BAIAP2L1: variants seen among roughly 807,000 people sequenced by gnomAD.
The protein encoded by BAIAP2L1 is BAR/IMD domain-containing adapter protein 2-like 1.
In BAIAP2L1, 35 loss-of-function variants were observed where a neutral mutation model predicts 66.3. That is an observed-to-expected ratio of 0.53 (90% CI 0.40 to 0.70). The LOEUF (loss-of-function observed/expected upper bound fraction) is 0.70. Among genes scored for constraint, BAIAP2L1 ranks in the 30% least tolerant of loss-of-function variants. The pLI is 0.00. For missense variants in BAIAP2L1, 622 were observed against 656.9 expected (o/e 0.95, Z 0.58); for synonymous variants, 269 against 248.7 (o/e 1.08, Z -0.77).
rs1281996186 is a variant in BAIAP2L1, at chr7:98,293,076, A to T, written c.*445T>A. 1 of 662,030 alleles carries T rather than the reference A, an allele frequency of 1.5e-6. No homozygotes were observed. Among genetic ancestry groups the T allele is most frequent in the Non-Finnish European group, 1.9e-6 (1 of 516,576 alleles). The allele number at this position is 662,030 out of a possible 1,614,324, so 41.0% of individuals were successfully genotyped here. ...TTAAAATTATGATTTGCATGCTAAG[A>T]TGCAAACTTACGTGATATCTTCTTT... is the stretch of plus-strand genomic sequence containing the variant. On this transcript the variant is annotated 3_prime_UTR_variant, in exon 14 of 14. Coordinates refer to ENST00000005260, the MANE Select transcript of BAIAP2L1 (RefSeq NM_018842.5).
chr7:98,299,109 G>A (rs905259532), intron 12 of BAIAP2L1, among the ~76,000 whole-genome samples: 7 of 152,120 alleles, frequency 4.6e-5, no homozygotes, highest in African/African-American at 9.6e-5. Context: ...TCTGCCTCCC[G>A]GGTTCAACTG....
chr7:98,381,213 T>G (rs187528506), intron 1 of BAIAP2L1, among the ~76,000 whole-genome samples: 11 of 152,316 alleles, frequency 7.2e-5, no homozygotes, highest in Non-Finnish European at 1.5e-4. Context: ...GCAAATGTTT[T>G]TCCAGGCAAA....
chr7:98,293,447 C>T lies in BAIAP2L1; in HGVS notation c.*74G>A, dbSNP rs1170273307. On this transcript the variant is annotated 3_prime_UTR_variant, in exon 14 of 14. Coordinates refer to ENST00000005260, the MANE Select transcript of BAIAP2L1 (RefSeq NM_018842.5). ...CACTGAAGCTTCCCGACCGTCAGCA[C>T]GTGGCAGACAGGATGCGCCCATCAT... 4.3e-5 allele frequency: 59 copies of T among 1,383,760 alleles called. No individual in the cohort carries two copies. The highest frequency in any genetic ancestry group is 5.9e-5 in the Non-Finnish European group (58 of 975,776). 85.7% of individuals were successfully genotyped at this position (1,383,760 alleles called of 1,614,324 possible).
Position 98,320,553 on chromosome 7 carries a change from C to G in BAIAP2L1, c.215-255G>C, listed in dbSNP as rs1055786542. Among the ~76,000 whole-genome samples, 26 of 152,214 alleles carry G rather than the reference C, an allele frequency of 1.7e-4. 1 individual carries two copies. The highest frequency in any genetic ancestry group is 3.2e-4 in the Non-Finnish European group (22 of 68,030). ...GTTTCATCGTGTTGGCCAGGCTGGT[C>G]TTGAACTCCTAACCTCAGGTGATCA... On this transcript the variant is annotated intron_variant, in intron 3 of 13. Coordinates refer to ENST00000005260, the MANE Select transcript of BAIAP2L1 (RefSeq NM_018842.5).
At chr7:98,295,940 G>A (rs1005942790) in intron 12 of BAIAP2L1, among the ~76,000 whole-genome samples, 18 of 152,266 alleles carry the variant, frequency 1.2e-4, no homozygotes, top group African/African-American at 3.9e-4. Context: ...GGCCAACCCC[G>A]TGCACGCATG....
At chr7:98,370,206 C>G (rs1398633773) in intron 1 of BAIAP2L1, among the ~76,000 whole-genome samples, 1 of 151,820 alleles carries the variant, frequency 6.6e-6, no homozygotes, top group Non-Finnish European at 1.5e-5. Context: ...GAAACCCCAT[C>G]TCTACTAAAA....
intron 3 of BAIAP2L1, among the ~76,000 whole-genome samples, chr7:98,342,583 A>G (rs1288406038): frequency 2.6e-5 from 4 of 152,198 alleles, no homozygotes; most frequent in Admixed American, 2.6e-4. Context: ...AATGATTCAA[A>G]ATGCAATGGC....
chr7:98,334,119 T>C (rs980049006), intron 3 of BAIAP2L1, among the ~76,000 whole-genome samples: 6 of 152,204 alleles, frequency 3.9e-5, no homozygotes, highest in African/African-American at 7.2e-5. Context: ...AATGAGAAAT[T>C]AGGCAGAAGA....
chr7:98,362,368 T>G lies in BAIAP2L1; in HGVS notation c.116A>C (p.Lys39Thr), dbSNP rs373919761. The change falls in exon 2 of 14, where the codon AAA (lysine) becomes ACA (threonine). Residue 39 changes from lysine (K) to threonine (T), a missense_variant. Transcript: ENST00000005260. ...NLINLGKNYEKAVNAMILAGK... is the reference protein window; with the variant it reads ...NLINLGKNYETAVNAMILAGK... ...AAAAACAGACTTACCGTTTACAGCT[T>G]TCTCATAATTTTTCCCCAGGTTTAT... 5.0e-6 allele frequency: 8 copies of G among 1,609,910 alleles called. No individual in the cohort carries two copies. In the African/African-American group the frequency reaches 8.0e-5, roughly 16 times the overall value.
chr7:98,394,171 A>G (rs1803142517), intron 1 of BAIAP2L1, among the ~76,000 whole-genome samples: 1 of 152,096 alleles, frequency 6.6e-6, no homozygotes, highest in African/African-American at 2.4e-5. Context: ...TGAACCCAGG[A>G]GGCGGAGCTT....
intron 1 of BAIAP2L1, among the ~76,000 whole-genome samples, chr7:98,373,756 G>T (rs1802562084): frequency 6.6e-6 from 1 of 152,164 alleles, no homozygotes; most frequent in Admixed American, 6.6e-5. Flanking sequence ...TCTAAAATAT[G>T]AGTCAAGTCT....
chr7:98,345,150 T>C (rs1163597531), intron 3 of BAIAP2L1, among the ~76,000 whole-genome samples: 1 of 151,780 alleles, frequency 6.6e-6, no homozygotes, highest in East Asian at 1.9e-4. Flanking sequence ...CACAAAAAAA[T>C]TTACATCCGC....
chr7:98,307,274 T>G (rs764330744), intron 10 of BAIAP2L1: 9 of 487,824 alleles, frequency 1.8e-5, no homozygotes, highest in Non-Finnish European at 2.2e-5. Flanking sequence ...CCTGGCTAAT[T>G]TTTGTATTTT....
Position 98,389,918 on chromosome 7 carries a change from A to ATTTTTTTTTTTTT in BAIAP2L1, c.51+10871_51+10883dup, listed in dbSNP as rs750099451. 4.3e-3 allele frequency among the ~76,000 whole-genome samples: 552 copies of ATTTTTTTTTTTTT among 129,658 alleles called. 7 individuals carry two copies. Among genetic ancestry groups the ATTTTTTTTTTTTT allele is most frequent in the Non-Finnish European group, 6.8e-3 (411 of 60,430 alleles). 85.1% of individuals were successfully genotyped at this position (129,658 alleles called of 152,430 possible). ...TGCACGTGTAGTCTTGGGTTAGTAA[A>ATTTTTTTTTTTTT]TTTTTTTTTTTTTTTGAGAGGTAGT... On this transcript the variant is annotated intron_variant, in intron 1 of 13. Transcript: ENST00000005260.
At chr7:98,357,020 A>AAAT (rs1554337328) in intron 2 of BAIAP2L1, among the ~76,000 whole-genome samples, 2 of 28,098 alleles carry the variant, frequency 7.1e-5, no homozygotes, top group Non-Finnish European at 1.0e-4. Context: ...AAAAAAAAAA[A>AAAT]ATATATATAT....
chr7:98,304,072 T>TC, intron 12 of BAIAP2L1, 124 bp downstream of exon 12: 1 of 1,048,562 alleles, frequency 9.5e-7, no homozygotes, highest in Non-Finnish European at 1.3e-6. Flanking sequence ...TCCTCCCTCC[T>TC]CCCCGGGGAC....
chr7:98,372,056 AGTGCTGGGAT>A (rs144893616), intron 1 of BAIAP2L1, among the ~76,000 whole-genome samples: 1,837 of 151,926 alleles, frequency 0.012, 26 homozygotes, highest in South Asian at 0.04. Flanking sequence ...CGCCTCCCAA[AGTGCTGGGAT>A]TACAGGCGTG....
At chr7:98,329,285 G>C (rs1018975980) in intron 3 of BAIAP2L1, among the ~76,000 whole-genome samples, 1 of 152,192 alleles carries the variant, frequency 6.6e-6, no homozygotes, top group East Asian at 1.9e-4. Flanking sequence ...AAAACCAGAC[G>C]GACAGGCTGA....
At chr7:98,373,014 A>G (rs1220159177) in intron 1 of BAIAP2L1, among the ~76,000 whole-genome samples, 2 of 152,184 alleles carry the variant, frequency 1.3e-5, no homozygotes, top group East Asian at 3.9e-4. Flanking sequence ...TGCTGGGACT[A>G]CAGGTGCGAG....
Sources: gnomAD v4.1 joint callset for allele counts (sites outside exome capture counted in the v4.1 genomes callset) on GRCh38, gnomAD v4.1.1 for gene constraint, MANE v1.5 for transcripts, NCBI Gene and HGNC (gene_info 2026-07-23, HGNC 2026-07-21) for gene names.